The following DAW1 variants were observed in gnomAD, a reference collection of about 807,000 sequenced individuals.
The protein encoded by DAW1 is dynein assembly factor with WD repeats 1.
In DAW1, 47 loss-of-function variants were observed where a neutral mutation model predicts 56.5. That is an observed-to-expected ratio of 0.83 (90% CI 0.66 to 1.06). The LOEUF (loss-of-function observed/expected upper bound fraction) is 1.06. DAW1 is among the 50% of genes least tolerant of loss of function. DAW1 has a pLI of 0.00. For missense variants in DAW1, 505 were observed against 499.3 expected (o/e 1.01, Z -0.11); for synonymous variants, 190 against 179.0 (o/e 1.06, Z -0.49).
intron 1 of DAW1, among the ~76,000 whole-genome samples, chr2:227,884,985 G>A (rs1396480398): frequency 6.6e-6 from 1 of 152,116 alleles, no homozygotes; most frequent in African/African-American, 2.4e-5. Flanking sequence ...TCAGGGAATA[G>A]GGCCCTCTTG....
At chr2:227,920,475 G>A (rs374142683) in intron 11 of DAW1, among the ~76,000 whole-genome samples, 4 of 152,066 alleles carry the variant, frequency 2.6e-5, no homozygotes, top group Non-Finnish European at 4.4e-5. Context: ...GGACTAACAG[G>A]TTCCTTTGAT....
At chr2:227,914,461 A>G (rs1691904251) in intron 10 of DAW1, among the ~76,000 whole-genome samples, 1 of 152,068 alleles carries the variant, frequency 6.6e-6, no homozygotes, top group Non-Finnish European at 1.5e-5. Context: ...AGTGATTACT[A>G]CTTATGATTC....
At chr2:227,905,644 T>G (rs1342006585) in intron 8 of DAW1, among the ~76,000 whole-genome samples, 3 of 152,252 alleles carry the variant, frequency 2.0e-5, no homozygotes, top group Non-Finnish European at 4.4e-5. Flanking sequence ...TAAGACTACT[T>G]CTTACGGCCT....
At chr2:227,921,617 C>A (rs2106219694) in intron 12 of DAW1, 56 bp downstream of exon 12, 3 of 1,555,140 alleles carry the variant, frequency 1.9e-6, no homozygotes, top group South Asian at 2.4e-5. Context: ...TGTTAGAGTT[C>A]CCAAGCTGAA....
chr2:227,877,548 G>A (rs912863443), intron 1 of DAW1, among the ~76,000 whole-genome samples: 5 of 152,216 alleles, frequency 3.3e-5, no homozygotes, highest in African/African-American at 1.2e-4. Flanking sequence ...ATATTGCCTA[G>A]ATCAATGTTA....
At chr2:227,918,261 G>A (rs538612780) in intron 10 of DAW1, among the ~76,000 whole-genome samples, 3 of 151,652 alleles carry the variant, frequency 2.0e-5, no homozygotes, top group South Asian at 2.1e-4. Context: ...TATGCTTGGC[G>A]CTTTTGGCGC....
intron 4 of DAW1, 46 bp from the exon 5 acceptor site, chr2:227,893,749 C>T: frequency 6.3e-7 from 1 of 1,580,458 alleles, no homozygotes; most frequent in Non-Finnish European, 8.6e-7. Context: ...TCTTTATTAA[C>T]ACACTGCCAT....
chr2:227,894,232 C>G lies in DAW1; in HGVS notation c.440+315C>G, dbSNP rs550920306. Among the ~76,000 whole-genome samples the G allele has an allele frequency of 2.3e-4, 35 of 152,194 alleles. No homozygotes were observed. The East Asian group carries it at 6.2e-3, about 27-fold the overall frequency. On this transcript the variant is annotated intron_variant, in intron 5 of 12. Transcript: ENST00000309931. ...CCTGGCCAACGTGGTGAAACCCCAT[C>G]TCTACTAAAAATACAAAAATTAGCT...
At chr2:227,892,003 G>A (rs1165283337) in intron 4 of DAW1, among the ~76,000 whole-genome samples, 3 of 152,122 alleles carry the variant, frequency 2.0e-5, no homozygotes, top group Non-Finnish European at 4.4e-5. Context: ...GTGTGGAGAA[G>A]CATCACCCTG....
At chr2:227,913,030 A>G (rs1691867503) in intron 10 of DAW1, among the ~76,000 whole-genome samples, 1 of 152,166 alleles carries the variant, frequency 6.6e-6, no homozygotes, top group Non-Finnish European at 1.5e-5. Flanking sequence ...GCAAGCATGT[A>G]TATTGCTAAA....
At chr2:227,923,529 G>A (rs1156823544) in intron 12 of DAW1, among the ~76,000 whole-genome samples, 3 of 152,184 alleles carry the variant, frequency 2.0e-5, no homozygotes, top group African/African-American at 7.2e-5. Context: ...ATGTTCCAAA[G>A]TGGTATGTCC....
rs954950731 is a variant in DAW1, at chr2:227,885,733, A to G, written c.113+310A>G. On this transcript the variant is annotated intron_variant, in intron 2 of 12. Coordinates refer to ENST00000309931, the MANE Select transcript of DAW1 (RefSeq NM_178821.3). The stretch of plus-strand genomic sequence containing the variant: ...ACACCCCGATTCCCCTGATGTTAAC[A>G]TCTCAGATTAGCGGTGTACATTTAT... 2.0e-5 allele frequency among the ~76,000 whole-genome samples: 3 copies of G among 152,280 alleles called. No individual in the cohort carries two copies. In the South Asian group the frequency reaches 6.2e-4, roughly 32 times the overall value.
intron 10 of DAW1, among the ~76,000 whole-genome samples, chr2:227,916,424 T>C (rs542875166): frequency 4.2e-4 from 64 of 152,274 alleles, no homozygotes; most frequent in Non-Finnish European, 7.9e-4. Flanking sequence ...CTGCGTTGTC[T>C]CTTTGGTAAC....
intron 1 of DAW1, among the ~76,000 whole-genome samples, chr2:227,879,068 G>T (rs890789971): frequency 6.6e-6 from 1 of 152,080 alleles, no homozygotes; most frequent in Non-Finnish European, 1.5e-5. Context: ...TTACAGGCAT[G>T]AGCCACCATG....
At chr2:227,898,139 A>G in intron 5 of DAW1, 43 bp from the exon 6 acceptor site, 1 of 1,365,600 alleles carries the variant, frequency 7.3e-7, no homozygotes, top group South Asian at 1.5e-5. Context: ...TTATTATATA[A>G]TGTGTCTTTT....
chr2:227,921,615 T>G (rs1574677075), intron 12 of DAW1, 54 bp downstream of exon 12: 1 of 1,559,670 alleles, frequency 6.4e-7, no homozygotes, highest in Non-Finnish European at 8.7e-7. Flanking sequence ...GCTGTTAGAG[T>G]TCCCAAGCTG....
intron 6 of DAW1, among the ~76,000 whole-genome samples, chr2:227,899,410 T>A (rs1367418394): frequency 6.6e-6 from 1 of 152,202 alleles, no homozygotes; most frequent in Non-Finnish European, 1.5e-5. Flanking sequence ...GTACTCACTT[T>A]ACCAATGCAG....
chr2:227,878,389 G>C (rs1690935455), intron 1 of DAW1, among the ~76,000 whole-genome samples: 1 of 152,138 alleles, frequency 6.6e-6, no homozygotes. Flanking sequence ...TTTTCAAATA[G>C]CTTTTTAGGG....
In DAW1 at chr2:227,921,469, C is replaced by T. The variant is rs780546827; in HGVS notation, c.1121C>T (p.Ala374Val). 44 of 1,613,850 alleles carry T rather than the reference C, an allele frequency of 2.7e-5. No individual in the cohort carries two copies. The Admixed American group carries it at 6.8e-4, about 25-fold the overall frequency. Residue 374 changes from alanine to valine, a missense_variant, in exon 12 of 13, where the codon GCT becomes GTT. Transcript: ENST00000309931. ...GACAAAACGGCTAGAATCTGGGATG[C>T]TCAGACTGGCCAGTGCCTCCAGGTT... The part of the protein sequence containing the change: ...SSDKTARIWD[A>V]QTGQCLQVLE...
Sources: gnomAD v4.1 joint callset for allele counts (sites outside exome capture counted in the v4.1 genomes callset) on GRCh38, gnomAD v4.1.1 for gene constraint, MANE v1.5 for transcripts, NCBI Gene and HGNC (gene_info 2026-07-23, HGNC 2026-07-21) for gene names.